MCMBP: variants seen among roughly 807,000 people sequenced by gnomAD.
MCMBP encodes minichromosome maintenance complex binding protein.
In MCMBP, 31 loss-of-function variants were observed where a neutral mutation model predicts 81.3. The ratio of observed to expected loss-of-function variants is 0.38; its 90% confidence interval spans 0.29 to 0.51. The LOEUF (loss-of-function observed/expected upper bound fraction) is 0.51, where lower values mean the gene tolerates loss of function less well. Among genes scored for constraint, MCMBP ranks in the 20% least tolerant of loss-of-function variants. MCMBP has a pLI of 0.87. For synonymous variants in MCMBP, 267 were observed against 275.9 expected (o/e 0.97, Z 0.32); for missense variants, 645 against 772.1 (o/e 0.84, Z 1.95).
intron 6 of MCMBP, among the ~76,000 whole-genome samples, chr10:119,850,337 G>A (rs181815489): frequency 6.6e-5 from 10 of 152,284 alleles, no homozygotes; most frequent in Admixed American, 2.6e-4. Flanking sequence ...TTCTGGGGAC[G>A]GAGGAGGCAG....
intron 15 of MCMBP, 68 bp from the exon 16 acceptor site, chr10:119,831,668 AC>A: frequency 6.4e-7 from 1 of 1,550,512 alleles, no homozygotes; most frequent in East Asian, 2.3e-5. Flanking sequence ...TTTTTTTAAG[AC>A]CTAGGAATAC....
At chr10:119,833,515 A>C (rs1165962525) in intron 14 of MCMBP, among the ~76,000 whole-genome samples, 1 of 152,016 alleles carries the variant, frequency 6.6e-6, no homozygotes, top group African/African-American at 2.4e-5. Context: ...AAGAAAAAAC[A>C]AAAAAACAAA....
intron 1 of MCMBP, among the ~76,000 whole-genome samples, chr10:119,867,349 ACTTTC>A (rs1853506183): frequency 6.7e-6 from 1 of 149,820 alleles, no homozygotes. Flanking sequence ...GGGAGCACGT[ACTTTC>A]ACTCAGTTCA....
chr10:119,862,431 TAGG>T (rs1217437240), intron 1 of MCMBP, among the ~76,000 whole-genome samples: 2 of 152,318 alleles, frequency 1.3e-5, no homozygotes, highest in Non-Finnish European at 2.9e-5. Context: ...CAATAAATCT[TAGG>T]AGGAGTACAA....
chr10:119,857,837 A>T (rs1372767467), intron 4 of MCMBP: 1 of 153,466 alleles, frequency 6.5e-6, no homozygotes, highest in East Asian at 1.9e-4. Flanking sequence ...TTCACAACAG[A>T]AGTTGTTGCT....
chr10:119,868,982 T>A (rs1159806444), intron 1 of MCMBP, among the ~76,000 whole-genome samples: 1 of 152,140 alleles, frequency 6.6e-6, no homozygotes, highest in Non-Finnish European at 1.5e-5. Flanking sequence ...CATAAACCAC[T>A]TTAAAAGTCC....
At position 119,835,848 on chromosome 10, in the gene MCMBP, T is replaced by TCACA. The variant is rs1472954938; in HGVS notation, c.1543-145_1543-144insTGTG. 4.3e-6 allele frequency: 4 copies of TCACA among 936,398 alleles called. No individual in the cohort carries two copies. The East Asian group carries it at 1.1e-4, about 25-fold the overall frequency. The allele number at this position is 936,398 out of a possible 1,614,324, so 58.0% of individuals were successfully genotyped here. ...AGGGGGAGGGAATAATGTTTTTTTT[T>TCACA]CTGTGTGTGAGACAGGGTTTTGTCC... On this transcript the variant is annotated intron_variant, in intron 13 of 15. Transcript: ENST00000369077.
chr10:119,835,752 C>A, intron 13 of MCMBP, 48 bp from the exon 14 acceptor site: 3 of 1,592,670 alleles, frequency 1.9e-6, no homozygotes, highest in Non-Finnish European at 2.6e-6. Flanking sequence ...CTAAATTAAT[C>A]TACATTTTTA....
At chr10:119,870,528 G>C (rs767410642) in intron 1 of MCMBP, among the ~76,000 whole-genome samples, 10 of 152,066 alleles carry the variant, frequency 6.6e-5, no homozygotes, top group Non-Finnish European at 1.0e-4. Flanking sequence ...AATATATGCA[G>C]AGAAAATAAA....
chr10:119,865,719 A>G (rs1853427210), intron 1 of MCMBP, among the ~76,000 whole-genome samples: 1 of 152,210 alleles, frequency 6.6e-6, no homozygotes, highest in African/African-American at 2.4e-5. Flanking sequence ...AGTGTCCATC[A>G]GCAAATATAT....
chr10:119,832,166 C>T, intron 14 of MCMBP, 66 bp from the exon 15 acceptor site: 1 of 1,436,412 alleles, frequency 7.0e-7, no homozygotes, highest in Non-Finnish European at 9.6e-7. Flanking sequence ...AACATGGTTC[C>T]TTGACTGATG....
intron 11 of MCMBP, among the ~76,000 whole-genome samples, chr10:119,839,366 A>C (rs1037815405): frequency 6.6e-6 from 1 of 152,132 alleles, no homozygotes; most frequent in Non-Finnish European, 1.5e-5. Context: ...CCAGCCTCAA[A>C]CAATGTGGCA....
intron 5 of MCMBP, among the ~76,000 whole-genome samples, chr10:119,854,641 C>G (rs992154640): frequency 6.6e-6 from 1 of 151,316 alleles, no homozygotes; most frequent in Non-Finnish European, 1.5e-5. Context: ...AATTCGTCAC[C>G]AACAGATCTG....
rs371883361 is a variant in MCMBP, at chr10:119,843,223, TAG to T, written c.1000+29_1000+30del. 680 of 1,612,238 alleles carry T rather than the reference TAG, an allele frequency of 4.2e-4. 3 individuals are homozygous for T. In the African/African-American group the frequency reaches 8.2e-3, roughly 19 times the overall value. On this transcript the variant is annotated intron_variant, in intron 9 of 15. Coordinates refer to ENST00000369077, the MANE Select transcript of MCMBP (RefSeq NM_001256378.2). ...TGGACACACTGAGGCTAACAGTCGA[TAG>T]TTGACTAGGCTGTAACACTTACACT...
chr10:119,865,847 G>C (rs556867093), intron 1 of MCMBP, among the ~76,000 whole-genome samples: 4 of 151,984 alleles, frequency 2.6e-5, no homozygotes, highest in Non-Finnish European at 5.9e-5. Flanking sequence ...AGGCCGAGGC[G>C]GGAGGGTCAC....
At chr10:119,867,465 T>C (rs1300213978) in intron 1 of MCMBP, among the ~76,000 whole-genome samples, 7 of 152,102 alleles carry the variant, frequency 4.6e-5, no homozygotes, top group Non-Finnish European at 1.0e-4. Context: ...ATTCTTCTTC[T>C]TTGAGAACGC....
Position 119,830,255 on chromosome 10 carries a change from T to TAA in MCMBP, c.*1217_*1218dup, listed in dbSNP as rs1851964432. The TAA allele has an allele frequency of 6.6e-6, 1 of 152,602 alleles. No homozygotes were observed. The highest frequency in any genetic ancestry group is 6.5e-5 in the Admixed American group (1 of 15,290). The allele number at this position is 152,602 out of a possible 1,614,324, so 9.5% of individuals were successfully genotyped here. On this transcript the variant is annotated 3_prime_UTR_variant, in exon 16 of 16. Coordinates refer to ENST00000369077, the MANE Select transcript of MCMBP (RefSeq NM_001256378.2). ...GATCCTTTATCTGCCTCCAACTAGGTAAGTTATTTGATACCACTGACAGCT... is the reference window on the plus strand; with the variant it reads ...GATCCTTTATCTGCCTCCAACTAGGTAAAAGTTATTTGATACCACTGACAGCT...
At chr10:119,839,811 G>C (rs1346173571) in intron 11 of MCMBP, among the ~76,000 whole-genome samples, 4 of 152,156 alleles carry the variant, frequency 2.6e-5, no homozygotes, top group African/African-American at 9.7e-5. Context: ...CCACCACCCA[G>C]TTATCTGCAA....
rs550464218 is a variant in MCMBP, at chr10:119,872,090, G to T, written c.58+437C>A. Among the ~76,000 whole-genome samples, 11 of 152,292 alleles carry T rather than the reference G, an allele frequency of 7.2e-5. No homozygotes were observed. The East Asian group carries it at 1.9e-3, about 27-fold the overall frequency. ...CAAGCGAGCACTCCCCGACGCACCG[G>T]AAGTTTTGAAATATCCTGTGGGCTT... On this transcript the variant is annotated intron_variant, in intron 1 of 15. Coordinates refer to ENST00000369077, the MANE Select transcript of MCMBP (RefSeq NM_001256378.2).
Sources: gnomAD v4.1 joint callset for allele counts (sites outside exome capture counted in the v4.1 genomes callset) on GRCh38, gnomAD v4.1.1 for gene constraint, MANE v1.5 for transcripts, NCBI Gene and HGNC (gene_info 2026-07-23, HGNC 2026-07-21) for gene names.